TENT5C: variants seen among roughly 807,000 people sequenced by gnomAD.
TENT5C encodes the protein terminal nucleotidyltransferase 5C.
In TENT5C, 5 loss-of-function variants were observed where a neutral mutation model predicts 22.2. That is an observed-to-expected ratio of 0.22 (90% CI 0.12 to 0.47). TENT5C has a LOEUF of 0.47. Among genes scored for constraint, TENT5C ranks in the 20% least tolerant of loss-of-function variants. TENT5C has a pLI of 0.99. For synonymous variants in TENT5C, 199 were observed against 195.4 expected (o/e 1.02, Z -0.15); for missense variants, 364 against 500.9 (o/e 0.73, Z 2.61).
rs149654076 is a variant in TENT5C at position 117,623,757 on chromosome 1, G to A, written c.889G>A (p.Ala297Thr). The A allele has an allele frequency of 2.2e-3, 3,597 of 1,614,138 alleles. 5 individuals carry two copies. Among genetic ancestry groups the A allele is most frequent in the Non-Finnish European group, 2.6e-3 (3,074 of 1,180,038 alleles). ...GGAGACTTACCTTCAAAACCACTTC[G>A]CTGAAGAAGAGAGAAGCAAGTACGA... ...KLETYLQNHF[A>T]EEERSKYDYL... Residue 297 changes from alanine (A) to threonine (T), a missense_variant, in exon 2 of 2, where the codon GCT (alanine) becomes ACT (threonine). Transcript: ENST00000369448.
At chr1:117,614,939 G>A (rs577384218) in intron 1 of TENT5C, among the ~76,000 whole-genome samples, 6 of 152,096 alleles carry the variant, frequency 3.9e-5, no homozygotes, top group Non-Finnish European at 8.8e-5. Flanking sequence ...AGCTCCCTGG[G>A]AAGTTAGGAT....
rs1239289962 is a variant in TENT5C, at chr1:117,623,676, A to G, written c.808A>G (p.Met270Val). Residue 270 changes from methionine (M) to valine (V), a missense_variant, in exon 2 of 2, where the codon ATG (methionine) becomes GTG (valine). By Grantham distance (21) the Met-to-Val change is conservative (BLOSUM62 1). Around this residue, in one of 3 missense-constraint regions of TENT5C, gnomAD observed 303 missense variants for 394.5 expected, o/e 0.77. Coordinates refer to ENST00000369448, the MANE Select transcript of TENT5C (RefSeq NM_017709.4). ...QEEIKTLERY[M>V]CSRFFIDFPD... is the part of the protein sequence containing the mutation. ...AGAAATCAAAACTCTAGAGCGCTACATGTGCTCCAGGTTCTTCATCGACTT... is the reference window on the plus strand; with the variant it reads ...AGAAATCAAAACTCTAGAGCGCTACGTGTGCTCCAGGTTCTTCATCGACTT... 1.2e-6 allele frequency: 2 copies of G among 1,613,976 alleles called. No individual in the cohort carries two copies. Among genetic ancestry groups the G allele is most frequent in the Admixed American group, 1.7e-5 (1 of 60,002 alleles).
intron 1 of TENT5C, 59 bp from the exon 2 acceptor site, chr1:117,622,783 C>G (rs769594946): frequency 8.5e-7 from 1 of 1,178,396 alleles, no homozygotes; most frequent in Non-Finnish European, 1.2e-6. Context: ...GTGAGTTCCT[C>G]GAGCTGCTTT....
chr1:117,607,173 A>C (rs2101070747), intron 1 of TENT5C, among the ~76,000 whole-genome samples: 1 of 152,218 alleles, frequency 6.6e-6, no homozygotes, highest in Middle Eastern at 3.4e-3. Context: ...CGCTACCTCC[A>C]AGTAAGGGCG....
intron 1 of TENT5C, among the ~76,000 whole-genome samples, chr1:117,607,907 A>G (rs1457552792): frequency 6.6e-6 from 1 of 152,120 alleles, no homozygotes; most frequent in Non-Finnish European, 1.5e-5. Context: ...ATGGAAAATG[A>G]TCTCTGGAGT....
intron 1 of TENT5C, among the ~76,000 whole-genome samples, chr1:117,611,317 A>G (rs182365859): frequency 3.2e-4 from 49 of 152,338 alleles, no homozygotes; most frequent in African/African-American, 1.2e-3. Context: ...AGCTAGAGCT[A>G]GCACCGCTGC....
chr1:117,614,822 G>C (rs533464066), intron 1 of TENT5C, among the ~76,000 whole-genome samples: 1 of 152,176 alleles, frequency 6.6e-6, no homozygotes, highest in East Asian at 1.9e-4. Flanking sequence ...CTTATTACTA[G>C]TTCAGCAAGG....
chr1:117,625,650 G>C lies in TENT5C; in HGVS notation c.*1606G>C. On this transcript the variant is annotated 3_prime_UTR_variant, in exon 2 of 2. Coordinates refer to ENST00000369448, the MANE Select transcript of TENT5C (RefSeq NM_017709.4). ...CTTCCTTTGGCTATGAAAACCCAAA[G>C]CCCGGAGTGATTGTTTTCTCCTTGC... is the stretch of plus-strand genomic sequence containing the variant. 4.0e-6 allele frequency: 1 copy of C among 248,022 alleles called. No homozygotes were observed. Among genetic ancestry groups the C allele is most frequent in the Non-Finnish European group, 8.5e-6 (1 of 118,106 alleles). The allele number at this position is 248,022 out of a possible 1,614,324, so 15.4% of individuals were successfully genotyped here.
At chr1:117,613,566 A>G (rs529399707) in intron 1 of TENT5C, among the ~76,000 whole-genome samples, 1 of 152,160 alleles carries the variant, frequency 6.6e-6, no homozygotes, top group South Asian at 2.1e-4. Flanking sequence ...TTGGCTTCTC[A>G]CTTCTTAGTG....
At position 117,627,807 on chromosome 1, in the gene TENT5C, G is replaced by A. The variant is rs185179551; in HGVS notation, c.*3763G>A. On this transcript the variant is annotated 3_prime_UTR_variant, in exon 2 of 2. Transcript: ENST00000369448. ...ATCTGGCAACTTTTCAGGATTATTTGTGGAGAACTCTAAGGTTAAGATCAG... is the reference window on the plus strand; with the variant it reads ...ATCTGGCAACTTTTCAGGATTATTTATGGAGAACTCTAAGGTTAAGATCAG... 1 of 247,814 alleles carries A rather than the reference G, an allele frequency of 4.0e-6. No homozygotes were observed. The highest frequency in any genetic ancestry group is 8.5e-6 in the Non-Finnish European group (1 of 118,110). The allele number at this position is 247,814 out of a possible 1,614,324, so 15.4% of individuals were successfully genotyped here. A position where few individuals can be genotyped will look rare whatever the true frequency, so the allele number is the denominator to read the frequency against.
chr1:117,610,322 T>G (rs952348544), intron 1 of TENT5C, among the ~76,000 whole-genome samples: 2 of 152,156 alleles, frequency 1.3e-5, no homozygotes, highest in East Asian at 3.9e-4. Context: ...GACTCTTTAC[T>G]CTTGACCCAC....
intron 1 of TENT5C, among the ~76,000 whole-genome samples, chr1:117,611,941 G>A (rs181450941): frequency 1.3e-5 from 2 of 152,334 alleles, no homozygotes; most frequent in Admixed American, 1.3e-4. Context: ...ATCTAAATGA[G>A]ATAGTTTACA....
Position 117,626,669 on chromosome 1 carries a change from A to G in TENT5C, c.*2625A>G. 4.0e-6 allele frequency: 1 copy of G among 248,098 alleles called. No individual in the cohort carries two copies. Among genetic ancestry groups the G allele is most frequent in the East Asian group, 6.0e-5 (1 of 16,594 alleles). 15.4% of individuals were successfully genotyped at this position (248,098 alleles called of 1,614,324 possible). A position where few individuals can be genotyped will look rare whatever the true frequency, so the allele number is the denominator to read the frequency against. On this transcript the variant is annotated 3_prime_UTR_variant, in exon 2 of 2. Transcript: ENST00000369448. The stretch of plus-strand genomic sequence containing the variant: ...CACAAGCACCAGGTACCCTGAGCTT[A>G]TACTGAGTCCAGTGGTTCCTATTTT...
At chr1:117,620,173 T>C (rs748324827) in intron 1 of TENT5C, among the ~76,000 whole-genome samples, 3 of 152,196 alleles carry the variant, frequency 2.0e-5, no homozygotes, top group Non-Finnish European at 4.4e-5. Flanking sequence ...AGAACCACCA[T>C]TGTAGCGTAG....
intron 1 of TENT5C, among the ~76,000 whole-genome samples, chr1:117,612,971 C>T (rs1405698114): frequency 2.0e-5 from 3 of 152,192 alleles, no homozygotes; most frequent in Admixed American, 2.0e-4. Flanking sequence ...AGGCTGTCAG[C>T]TCTTAAACCC....
At position 117,623,592 on chromosome 1, in the gene TENT5C, G is replaced by A; in HGVS notation, c.724G>A (p.Gly242Arg). Residue 242 changes from glycine (G) to arginine (R), a missense_variant, in exon 2 of 2, where the codon GGG becomes AGG. Gly to Arg is a moderately radical substitution (Grantham distance 125). Transcript: ENST00000369448. ...ATKNPEEIRG[G>R]GLLKYSNLLV... is the part of the protein sequence containing the mutation. Reference sequence around the variant, plus strand: ...CAAGAACCCAGAAGAAATCAGAGGCGGGGGACTTCTCAAGTACAGCAACCT... The same window carrying A: ...CAAGAACCCAGAAGAAATCAGAGGCAGGGGACTTCTCAAGTACAGCAACCT... The A allele has an allele frequency of 1.2e-6, 2 of 1,613,718 alleles. No homozygotes were observed. Among genetic ancestry groups the A allele is most frequent in the Non-Finnish European group, 1.7e-6 (2 of 1,179,970 alleles).
intron 1 of TENT5C, among the ~76,000 whole-genome samples, chr1:117,614,527 G>A (rs1653740236): frequency 6.6e-6 from 1 of 152,126 alleles, no homozygotes; most frequent in Admixed American, 6.5e-5. Context: ...TCTCCTTCCT[G>A]GGCTGGCCCT....
At position 117,623,884 on chromosome 1, in the gene TENT5C, G is replaced by A. The variant is rs753542382; in HGVS notation, c.1016G>A (p.Arg339His). ...TLNLISLLAL[R>H]VLAEQNIIPS... ...AACCTCATCTCCCTCCTGGCCTTGCGTGTGCTGGCGGAACAAAACATCATC... is the reference window on the plus strand; with the variant it reads ...AACCTCATCTCCCTCCTGGCCTTGCATGTGCTGGCGGAACAAAACATCATC... The change falls in exon 2 of 2, where the codon CGT (arginine) becomes CAT (histidine). Residue 339 changes from arginine (R) to histidine (H), a missense_variant. By Grantham distance (29) the Arg-to-His change is conservative. This residue lies in a region of TENT5C where 54 missense variants were observed against 76.5 expected (regional missense o/e 0.71). Transcript: ENST00000369448. 4.1e-5 allele frequency: 66 copies of A among 1,614,004 alleles called. No homozygotes were observed. The East Asian group carries it at 1.2e-3, about 29-fold the overall frequency.
chr1:117,606,306 G>A (rs990024112), intron 1 of TENT5C, among the ~76,000 whole-genome samples, 153 bp downstream of exon 1: 1 of 151,730 alleles, frequency 6.6e-6, no homozygotes, highest in African/African-American at 2.4e-5. Flanking sequence ...GGGGAGCTGC[G>A]GACAGGTGCC....
Sources: gnomAD v4.1 joint callset for allele counts (sites outside exome capture counted in the v4.1 genomes callset) on GRCh38, gnomAD v4.1.1 for gene constraint, gnomAD v4.1.1 regional missense constraint, MANE v1.5 for transcripts, NCBI Gene and HGNC (gene_info 2026-07-23, HGNC 2026-07-21) for gene names.